The following OXSR1 variants were observed in gnomAD, a reference collection of about 807,000 sequenced individuals.
OXSR1 encodes oxidative stress responsive kinase 1, also known as serine/threonine-protein kinase OSR1.
A neutral mutation model predicts 79.8 loss-of-function variants in OXSR1; 24 were observed. The ratio of observed to expected loss-of-function variants is 0.30; its 90% CI spans 0.22 to 0.42. The LOEUF is 0.42. Among genes scored for constraint, OXSR1 ranks in the 10% least tolerant of loss-of-function variants. OXSR1 has a pLI of 1.00. For missense variants in OXSR1, 430 were observed against 618.4 expected, an observed-to-expected ratio of 0.70 and a Z score of 3.23; for synonymous variants, 226 against 209.2, an observed-to-expected ratio of 1.08 and a Z score of -0.69.
At position 38,238,431 on chromosome 3, in the gene OXSR1, A is replaced by G. The variant is rs139784610; in HGVS notation, c.1074+1470A>G. On this transcript the variant is annotated intron_variant, in intron 11 of 17. Coordinates refer to ENST00000311806, the MANE Select transcript of OXSR1 (RefSeq NM_005109.3). ...TGACAAAATTCCGCCCATATTCATA[A>G]TGCTCTTATGTAGATCCAGATTTCC... 1.7e-3 allele frequency among the ~76,000 whole-genome samples: 258 copies of G among 152,224 alleles called. 1 individual carries two copies. The highest frequency in any genetic ancestry group is 6.1e-3 in the African/African-American group (252 of 41,562).
chr3:38,221,741 A>T, intron 6 of OXSR1, 54 bp downstream of exon 6: 1 of 1,049,840 alleles, frequency 9.5e-7, no homozygotes, highest in Non-Finnish European at 1.5e-6. Flanking sequence ...TTTGAAACTG[A>T]AAAAACTTAA....
At chr3:38,228,731 C>T (rs1390521752) in intron 8 of OXSR1, among the ~76,000 whole-genome samples, 1 of 152,174 alleles carries the variant, frequency 6.6e-6, no homozygotes, top group Non-Finnish European at 1.5e-5. Flanking sequence ...CCACCATGCC[C>T]TGCTAATTTT....
chr3:38,205,936 G>C (rs948864393), intron 4 of OXSR1, among the ~76,000 whole-genome samples: 1 of 152,148 alleles, frequency 6.6e-6, no homozygotes, highest in Non-Finnish European at 1.5e-5. Context: ...GCTTTTTAAG[G>C]GGGAAGATTT....
chr3:38,197,797 G>A (rs1195960280), intron 3 of OXSR1, among the ~76,000 whole-genome samples: 13 of 152,180 alleles, frequency 8.5e-5, no homozygotes, highest in Non-Finnish European at 5.9e-5. Flanking sequence ...ACCCAGTAGG[G>A]CAAGTTTTTA....
intron 17 of OXSR1, 86 bp from the exon 18 acceptor site, chr3:38,252,731 C>T (rs1483304597): frequency 9.4e-7 from 1 of 1,064,552 alleles, no homozygotes; most frequent in African/African-American, 1.6e-5. Context: ...CACTGCCTAC[C>T]TTCCCACTAT....
Position 38,247,665 on chromosome 3 carries a change from T to C in OXSR1, c.1258-3T>C. On this transcript the variant is annotated splice_region_variant and splice_polypyrimidine_tract_variant and intron_variant, in intron 13 of 17. Coordinates refer to ENST00000311806, the MANE Select transcript of OXSR1 (RefSeq NM_005109.3). ...TGACTGTATACCTTTCAATGCTTTT[T>C]AGGCTTTGTCTTCAGGATCAGGTTC... 6.2e-7 allele frequency: 1 copy of C among 1,609,534 alleles called. No individual in the cohort carries two copies. The highest frequency in any genetic ancestry group is 8.5e-7 in the Non-Finnish European group (1 of 1,176,024).
At chr3:38,239,315 A>G (rs553038286) in intron 11 of OXSR1, among the ~76,000 whole-genome samples, 1 of 152,302 alleles carries the variant, frequency 6.6e-6, no homozygotes, top group Admixed American at 6.5e-5. Context: ...TTAGATGCCA[A>G]ACATTGTAAT....
intron 5 of OXSR1, among the ~76,000 whole-genome samples, chr3:38,218,897 C>A (rs1364693625): frequency 1.3e-5 from 2 of 152,028 alleles, no homozygotes; most frequent in Non-Finnish European, 2.9e-5. Flanking sequence ...AAGGGGGGGA[C>A]CTTGTCTTCC....
intron 5 of OXSR1, among the ~76,000 whole-genome samples, chr3:38,218,486 A>G (rs1702528373): frequency 6.6e-6 from 1 of 152,052 alleles, no homozygotes; most frequent in Non-Finnish European, 1.5e-5. Flanking sequence ...TGACTCCTTA[A>G]TTCCTTTGCC....
intron 5 of OXSR1, among the ~76,000 whole-genome samples, chr3:38,219,637 A>ACT (rs1702548680): frequency 6.6e-6 from 1 of 152,184 alleles, no homozygotes; most frequent in South Asian, 2.1e-4. Flanking sequence ...AGTTCAGCTG[A>ACT]CTAGTGGCAG....
chr3:38,226,373 A>G (rs1702688945), intron 8 of OXSR1, among the ~76,000 whole-genome samples: 1 of 152,162 alleles, frequency 6.6e-6, no homozygotes, highest in South Asian at 2.1e-4. Context: ...CAGACCCACA[A>G]GAGAAGACTG....
chr3:38,253,184 T>G lies in OXSR1; in HGVS notation c.*293T>G, dbSNP rs1703295562. On this transcript the variant is annotated 3_prime_UTR_variant, in exon 18 of 18. Transcript: ENST00000311806. The stretch of plus-strand genomic sequence containing the variant: ...TGTGCTTCAAGGCCCAGGAGGGAGA[T>G]CTGTCAGCTCATTCTTGCCTTACTC... The G allele has an allele frequency of 2.7e-6, 1 of 370,364 alleles. No homozygotes were observed. Among genetic ancestry groups the G allele is most frequent in the Non-Finnish European group, 5.0e-6 (1 of 201,922 alleles). 22.9% of individuals were successfully genotyped at this position (370,364 alleles called of 1,614,324 possible).
intron 1 of OXSR1, among the ~76,000 whole-genome samples, chr3:38,169,191 G>A (rs79724028): frequency 0.012 from 1,871 of 152,210 alleles, 18 homozygotes; most frequent in Non-Finnish European, 0.019. Context: ...AATGACTAAT[G>A]ATGATGAACA....
intron 9 of OXSR1, 57 bp downstream of exon 9, chr3:38,229,792 G>C: frequency 7.7e-7 from 1 of 1,299,846 alleles, no homozygotes; most frequent in Non-Finnish European, 1.1e-6. Flanking sequence ...CAATTACTCA[G>C]ATTATGTTCA....
chr3:38,229,541 T>A (rs1274704066), intron 8 of OXSR1, 146 bp from the exon 9 acceptor site: 7 of 585,600 alleles, frequency 1.2e-5, no homozygotes, highest in Non-Finnish European at 2.1e-5. Flanking sequence ...ATTTTACTTT[T>A]GCTTTTTAGC....
At chr3:38,244,522 A>G (rs1428036418) in intron 12 of OXSR1, among the ~76,000 whole-genome samples, 1 of 152,132 alleles carries the variant, frequency 6.6e-6, no homozygotes, top group African/African-American at 2.4e-5. Context: ...GTGGAATTAT[A>G]CAGTATTTGT....
In OXSR1 at chr3:38,178,016, T is replaced by G. The variant is rs148012544; in HGVS notation, c.71-4987T>G. On this transcript the variant is annotated intron_variant, in intron 1 of 17. Coordinates refer to ENST00000311806, the MANE Select transcript of OXSR1 (RefSeq NM_005109.3). ...CAGGCTGGAGGGCAGTGGTGCAATC[T>G]CAGCTCACTGCAACCTCTGCCTCCC... 2.6e-3 allele frequency among the ~76,000 whole-genome samples: 396 copies of G among 152,328 alleles called. 3 individuals are homozygous for G. The highest frequency in any genetic ancestry group is 0.016 in the East Asian group (84 of 5,190).
rs138580801 is a variant in OXSR1, at chr3:38,183,042, C to A, written c.110C>A (p.Ala37Asp). Residue 37 changes from alanine (A) to aspartate (D), a missense_variant, in exon 2 of 18, where the codon GCC (alanine) becomes GAC (aspartate). Around this residue, in one of 3 missense-constraint regions of OXSR1, gnomAD observed 145 missense variants for 228.3 expected, o/e 0.64. Transcript: ENST00000311806. ...ATAVVQAAYC[A>D]PKKEKVAIKR... ...GCTGTAGTCCAAGCAGCTTATTGTG[C>A]CCCTAAAAAGGAGAAAGTGGCAATC... 7.9e-4 allele frequency: 1,272 copies of A among 1,612,546 alleles called. 1 individual carries two copies. Among genetic ancestry groups the A allele is most frequent in the Middle Eastern group, 2.3e-3 (14 of 6,054 alleles).
At chr3:38,199,962 T>G (rs1702133320) in intron 4 of OXSR1, among the ~76,000 whole-genome samples, 1 of 152,148 alleles carries the variant, frequency 6.6e-6, no homozygotes, top group South Asian at 2.1e-4. Flanking sequence ...TGGGCCCCTC[T>G]TTGCTCCTGG....
Sources: gnomAD v4.1 joint callset for allele counts (sites outside exome capture counted in the v4.1 genomes callset) on GRCh38, gnomAD v4.1.1 for gene constraint, gnomAD v4.1.1 regional missense constraint, MANE v1.5 for transcripts, NCBI Gene and HGNC (gene_info 2026-07-23, HGNC 2026-07-21) for gene names.